CATSPERE: variants seen among roughly 807,000 people sequenced by gnomAD.
The protein encoded by CATSPERE is catsper channel auxiliary subunit epsilon.
In CATSPERE, 93 loss-of-function variants were observed where a neutral mutation model predicts 114.1. The ratio of observed to expected loss-of-function variants is 0.81; its 90% CI spans 0.69 to 0.97. The LOEUF (loss-of-function observed/expected upper bound fraction) is 0.97, where lower values mean the gene tolerates loss of function less well. Ranked by LOEUF, CATSPERE falls within the 50% of genes least tolerant of loss-of-function variation. The pLI is 0.00. For synonymous variants in CATSPERE, 341 were observed against 384.1 expected (o/e 0.89, Z 1.31); for missense variants, 1,058 against 1,131.6 (o/e 0.93, Z 0.93).
chr1:244,451,614 T>C (rs770510850), upstream of CATSPERE: 16 of 1,596,678 alleles, frequency 1.0e-5, no homozygotes, highest in East Asian at 2.3e-5. The surrounding 1 kb of genome is among the most constrained non-coding windows in gnomAD (Gnocchi z 6.6). Context: ...CGGCTTCCCA[T>C]GAGAGGCCCC....
chr1:244,558,577 G>C (rs1662049921), intron 9 of CATSPERE, among the ~76,000 whole-genome samples: 1 of 152,090 alleles, frequency 6.6e-6, no homozygotes, highest in African/African-American at 2.4e-5. Flanking sequence ...CAACATTCCA[G>C]AGACCTCTTA....
Position 244,568,776 on chromosome 1 carries a change from A to G in CATSPERE, c.1508-3554A>G, listed in dbSNP as rs1179775642. 6.6e-6 allele frequency among the ~76,000 whole-genome samples: 1 copy of G among 151,830 alleles called. No homozygotes were observed. The highest frequency in any genetic ancestry group is 6.6e-5 in the Admixed American group (1 of 15,236). ...AAGCCAGTGGATCTTAGCTTGCTGG[A>G]CTCCATAGGGGTGGGATCCACTGAG... On this transcript the variant is annotated intron_variant, in intron 10 of 21. Transcript: ENST00000366534. This position sits in a 1 kb window ranked among gnomAD's most constrained non-coding sequence, Gnocchi z 4.4.
chr1:244,589,080 G>A (rs933694716), intron 14 of CATSPERE, among the ~76,000 whole-genome samples: 1 of 152,194 alleles, frequency 6.6e-6, no homozygotes, highest in Non-Finnish European at 1.5e-5. Context: ...GATGAAGCAC[G>A]TTGGACTCTG....
intron 2 of CATSPERE, among the ~76,000 whole-genome samples, chr1:244,469,181 C>A (rs955211429): frequency 1.3e-5 from 2 of 152,034 alleles, no homozygotes; most frequent in African/African-American, 4.8e-5. Flanking sequence ...AGAATTTGTT[C>A]TCTGTTTTGA....
chr1:244,590,289 T>C (rs1667556450), intron 14 of CATSPERE, among the ~76,000 whole-genome samples: 1 of 152,216 alleles, frequency 6.6e-6, no homozygotes, highest in East Asian at 1.9e-4. Context: ...ACCTGCACAA[T>C]AGTAGCAACT....
intron 8 of CATSPERE, among the ~76,000 whole-genome samples, chr1:244,545,425 C>T (rs1659589433): frequency 6.6e-6 from 1 of 152,278 alleles, no homozygotes; most frequent in Non-Finnish European, 1.5e-5. Context: ...AGAGAAGGCT[C>T]TAGAATAAGT....
intron 2 of CATSPERE, among the ~76,000 whole-genome samples, chr1:244,473,453 G>C (rs745663249): frequency 6.6e-6 from 1 of 152,026 alleles, no homozygotes; most frequent in Admixed American, 6.6e-5. Context: ...ATGGGTTTTC[G>C]TTTCCTTGTT....
At chr1:244,454,655 C>G (rs985328305) in intron 1 of CATSPERE, 5 of 151,606 alleles carry the variant, frequency 3.3e-5, no homozygotes, top group Non-Finnish European at 7.4e-5. Flanking sequence ...CTCTCTCTCT[C>G]TTTCTCAGTA....
chr1:244,583,656 G>A (rs1461588941), intron 12 of CATSPERE, among the ~76,000 whole-genome samples: 1 of 152,142 alleles, frequency 6.6e-6, no homozygotes, highest in Admixed American at 6.5e-5. Flanking sequence ...GATGAGGTGG[G>A]AGCAACTTTA....
At chr1:244,534,990 G>A (rs1305604905) in intron 8 of CATSPERE, among the ~76,000 whole-genome samples, 1 of 151,948 alleles carries the variant, frequency 6.6e-6, no homozygotes, top group Admixed American at 6.6e-5. Context: ...TCTGCATTAG[G>A]GGGCACCCCA....
intron 6 of CATSPERE, among the ~76,000 whole-genome samples, chr1:244,496,586 C>A (rs561460515): frequency 6.6e-6 from 1 of 152,144 alleles, no homozygotes; most frequent in African/African-American, 2.4e-5. Flanking sequence ...ACCTATATGA[C>A]AAAACTTCAG....
intron 6 of CATSPERE, among the ~76,000 whole-genome samples, chr1:244,491,158 C>T (rs1672073442): frequency 6.6e-6 from 1 of 152,000 alleles, no homozygotes; most frequent in East Asian, 1.9e-4. Context: ...TTCAGCACCA[C>T]ACCACACCTA....
chr1:244,458,155 A>G (rs1473422906), upstream of CATSPERE, among the ~76,000 whole-genome samples: 1 of 152,184 alleles, frequency 6.6e-6, no homozygotes, highest in Non-Finnish European at 1.5e-5. Flanking sequence ...TTTCTGATTA[A>G]TAACTCTGGG....
chr1:244,572,283 C>A (rs113069472), intron 10 of CATSPERE, 47 bp from the exon 11 acceptor site: 1 of 926,684 alleles, frequency 1.1e-6, no homozygotes, highest in Non-Finnish European at 1.6e-6. Context: ...TAAAACAGCA[C>A]GATTTATGGT....
intron 5 of CATSPERE, among the ~76,000 whole-genome samples, chr1:244,481,436 A>G (rs1225461691): frequency 6.6e-6 from 1 of 152,200 alleles, no homozygotes; most frequent in Non-Finnish European, 1.5e-5. Context: ...TGGCAGCAAG[A>G]GCAAAACTCC....
At chr1:244,508,721 G>A (rs1470690963) in intron 7 of CATSPERE, among the ~76,000 whole-genome samples, 1 of 151,344 alleles carries the variant, frequency 6.6e-6, no homozygotes, top group Non-Finnish European at 1.5e-5. Flanking sequence ...TGTGTTGGCT[G>A]GGTGTGGTGG....
At chr1:244,468,910 C>G (rs1381284568) in intron 2 of CATSPERE, among the ~76,000 whole-genome samples, 1 of 152,004 alleles carries the variant, frequency 6.6e-6, no homozygotes, top group African/African-American at 2.4e-5. Context: ...ACAATGAGAC[C>G]CTGTTTCAGA....
chr1:244,482,828 T>C (rs1393451199), intron 5 of CATSPERE, among the ~76,000 whole-genome samples: 1 of 152,190 alleles, frequency 6.6e-6, no homozygotes, highest in East Asian at 1.9e-4. Flanking sequence ...TTATCCTAAA[T>C]ATTATATAAT....
Position 244,579,035 on chromosome 1 carries a change from T to G in CATSPERE, c.1951-2761T>G, listed in dbSNP as rs975008639. Among the ~76,000 whole-genome samples, 9 of 152,032 alleles carry G rather than the reference T, an allele frequency of 5.9e-5. No individual in the cohort carries two copies. In the East Asian group the frequency reaches 1.7e-3, roughly 29 times the overall value. On this transcript the variant is annotated intron_variant, in intron 11 of 21. Transcript: ENST00000366534. ...ATGGGCCCATGGTGTTATTCAAGGT[T>G]TACAGTATTGCACTAAACATGATAA...
Sources: allele counts gnomAD v4.1 joint callset (sites outside exome capture counted in the v4.1 genomes callset), GRCh38; gene constraint gnomAD v4.1.1; non-coding constraint Gnocchi (gnomAD v3.1); transcripts MANE v1.5; gene names NCBI Gene and HGNC (gene_info 2026-07-23, HGNC 2026-07-21).